NPHP1: variants seen among roughly 807,000 people sequenced by gnomAD.
The protein encoded by NPHP1 is nephrocystin 1.
NPHP1 carries 70 observed loss-of-function variants against 90.4 expected under a neutral mutation model. The ratio of observed to expected loss-of-function variants is 0.77; its 90% CI spans 0.64 to 0.95. The LOEUF (loss-of-function observed/expected upper bound fraction) is 0.95. Ranked by LOEUF, NPHP1 falls within the 40% of genes least tolerant of loss-of-function variation. The pLI is 0.00. For missense variants in NPHP1, 764 were observed against 795.9 expected (o/e 0.96, Z 0.48); for synonymous variants, 256 against 271.7 (o/e 0.94, Z 0.57).
At chr2:110,184,308 G>A (rs375559459) in intron 2 of NPHP1, 13 of 602,652 alleles carry the variant, frequency 2.2e-5, no homozygotes, top group Admixed American at 1.6e-4. Context: ...GGACTGGAAC[G>A]ACATGGAACA....
intron 13 of NPHP1, 57 bp from the exon 14 acceptor site, chr2:110,146,892 C>T: frequency 8.1e-7 from 1 of 1,230,244 alleles, no homozygotes; most frequent in Non-Finnish European, 1.2e-6. Flanking sequence ...AATTTATAAG[C>T]ACATACCAAG....
Position 110,165,297 on chromosome 2 carries a change from C to T in NPHP1, c.625-142G>A, listed in dbSNP as rs746242258. On this transcript the variant is annotated intron_variant, in intron 6 of 19. Transcript: ENST00000445609. ...AAACAAAAAAACAAAAGCATCAGTA[C>T]TTTCAGAAAATCTTGAGCATAGATG... The T allele has an allele frequency of 5.8e-6, 4 of 692,594 alleles. No individual in the cohort carries two copies. The African/African-American group carries it at 7.2e-5, about 12-fold the overall frequency. The allele number at this position is 692,594 out of a possible 1,614,324, so 42.9% of individuals were successfully genotyped here. A position where few individuals can be genotyped will look rare whatever the true frequency, so the allele number is the denominator to read the frequency against.
intron 16 of NPHP1, among the ~76,000 whole-genome samples, chr2:110,140,965 C>T (rs1680582336): frequency 6.6e-6 from 1 of 152,152 alleles, no homozygotes; most frequent in African/African-American, 2.4e-5. Flanking sequence ...AAACCATTCA[C>T]AGGAGCATGC....
chr2:110,192,202 C>T (rs1684804065), intron 2 of NPHP1, among the ~76,000 whole-genome samples: 1 of 152,132 alleles, frequency 6.6e-6, no homozygotes, highest in Non-Finnish European at 1.5e-5. Flanking sequence ...GATGATCAAA[C>T]TTCTCCGAGC....
intron 13 of NPHP1, among the ~76,000 whole-genome samples, chr2:110,147,713 A>G (rs1217510783): frequency 1.3e-5 from 2 of 152,178 alleles, no homozygotes; most frequent in African/African-American, 4.8e-5. Flanking sequence ...CTCAAGCTAT[A>G]AATGTGAATA....
intron 16 of NPHP1, among the ~76,000 whole-genome samples, chr2:110,140,594 G>A (rs1287654884): frequency 3.3e-5 from 5 of 152,064 alleles, no homozygotes; most frequent in African/African-American, 1.2e-4. Flanking sequence ...TATACACATG[G>A]GAGTGCTTCC....
chr2:110,125,973 A>G (rs1218347960), intron 18 of NPHP1: 1 of 448,132 alleles, frequency 2.2e-6, no homozygotes, highest in Non-Finnish European at 4.1e-6. Context: ...AAACTATACA[A>G]CCACAGCACC....
chr2:110,150,116 T>C, intron 12 of NPHP1, 66 bp downstream of exon 12: 2 of 1,174,404 alleles, frequency 1.7e-6, no homozygotes, highest in Non-Finnish European at 1.3e-6. Context: ...TCTGTGCTAT[T>C]TATAGAAATA....
intron 19 of NPHP1, chr2:110,124,892 T>G: frequency 4.2e-6 from 1 of 238,204 alleles, no homozygotes; most frequent in Non-Finnish European, 8.1e-6. Flanking sequence ...ATTTTTAGGG[T>G]TTTCAGCTCA....
rs533279085 is a variant in NPHP1, at chr2:110,185,076, T to C, written c.144-5392A>G. The C allele has an allele frequency of 2.2e-5, 13 of 595,498 alleles. 1 individual carries two copies. The highest frequency in any genetic ancestry group is 4.5e-5 in the East Asian group (1 of 22,324). The allele number at this position is 595,498 out of a possible 1,614,324, so 36.9% of individuals were successfully genotyped here. On this transcript the variant is annotated intron_variant, in intron 2 of 19. Transcript: ENST00000445609. The stretch of plus-strand genomic sequence containing the variant: ...CAGGAGAGACTGTATTCCACGTGGA[T>C]TGAGGGCTCTATCCTTGCCTCCATG...
chr2:110,165,229 A>G, intron 6 of NPHP1, 74 bp from the exon 7 acceptor site: 1 of 1,108,994 alleles, frequency 9.0e-7, no homozygotes, highest in Non-Finnish European at 1.4e-6. Flanking sequence ...CAGTACTGCC[A>G]CCTAACCCTC....
chr2:110,171,140 G>A (rs1377822509), intron 4 of NPHP1, among the ~76,000 whole-genome samples: 1 of 152,140 alleles, frequency 6.6e-6, no homozygotes, highest in Non-Finnish European at 1.5e-5. Flanking sequence ...TAGGGATGAA[G>A]AGAAAGGAGG....
chr2:110,181,709 CA>C (rs1389446313), intron 2 of NPHP1, among the ~76,000 whole-genome samples: 2 of 152,174 alleles, frequency 1.3e-5, no homozygotes, highest in African/African-American at 4.8e-5. Flanking sequence ...GCTGAAAACT[CA>C]AAAAGCCAGA....
intron 4 of NPHP1, among the ~76,000 whole-genome samples, chr2:110,173,586 C>T (rs952404518): frequency 5.3e-5 from 8 of 152,148 alleles, no homozygotes; most frequent in African/African-American, 1.9e-4. Context: ...CACAAATACA[C>T]CATTGTGTTA....
chr2:110,138,030 A>G (rs1369865320), intron 16 of NPHP1, among the ~76,000 whole-genome samples: 1 of 152,044 alleles, frequency 6.6e-6, no homozygotes, highest in African/African-American at 2.4e-5. Flanking sequence ...TTGTAGGGAC[A>G]TGGATGAAGC....
intron 14 of NPHP1, among the ~76,000 whole-genome samples, chr2:110,145,479 A>AG (rs1171021562): frequency 6.6e-6 from 1 of 151,934 alleles, no homozygotes; most frequent in Non-Finnish European, 1.5e-5. Flanking sequence ...TTGTAGAGAC[A>AG]GGGTCTCACC....
In NPHP1 at chr2:110,146,774, C is replaced by T. The variant is rs754027663; in HGVS notation, c.1331G>A (p.Ser444Asn). Residue 444 changes from serine (S) to asparagine (N), a missense_variant, in exon 14 of 20, where the codon AGT (serine) becomes AAT (asparagine). Transcript: ENST00000445609. ...GWVFLKLFDA[S>N]GVPIPAKTYE... ...TTACTTTGCTGGAATAGGAACTCCA[C>T]TGGCATCAAAAAGTTTAAGAAACAC... 6.2e-7 allele frequency: 1 copy of T among 1,612,802 alleles called. No individual in the cohort carries two copies. Among genetic ancestry groups the T allele is most frequent in the Non-Finnish European group, 8.5e-7 (1 of 1,178,806 alleles).
chr2:110,152,802 T>C (rs1196196105), intron 11 of NPHP1, among the ~76,000 whole-genome samples: 1 of 151,724 alleles, frequency 6.6e-6, no homozygotes, highest in Non-Finnish European at 1.5e-5. Flanking sequence ...GAACTGGGGT[T>C]GGGAGAGGAG....
chr2:110,204,860 T>C, intron 1 of NPHP1, 40 bp downstream of exon 1: 1 of 1,606,234 alleles, frequency 6.2e-7, no homozygotes, highest in Non-Finnish European at 8.5e-7. Flanking sequence ...TGCGTCCGCC[T>C]GTCGCCCGCC....
Sources: allele counts gnomAD v4.1 joint callset (sites outside exome capture counted in the v4.1 genomes callset), GRCh38; gene constraint gnomAD v4.1.1; transcripts MANE v1.5; gene names NCBI Gene and HGNC (gene_info 2026-07-23, HGNC 2026-07-21).